ACAP2: variants seen among roughly 807,000 people sequenced by gnomAD.
ACAP2 encodes ArfGAP with coiled-coil, ankyrin repeat and PH domains 2.
Under a neutral mutation model 115.8 loss-of-function variants are expected in ACAP2, and 39 were observed. The observed-to-expected ratio is 0.34, with a 90% confidence interval of 0.26 to 0.44. ACAP2 has a LOEUF of 0.44. Ranked by LOEUF, ACAP2 falls within the 20% of genes least tolerant of loss-of-function variation. ACAP2 has a pLI of 1.00. For missense variants in ACAP2, 662 were observed against 927.6 expected (o/e 0.71, Z 3.72); for synonymous variants, 289 against 315.8 (o/e 0.92, Z 0.90).
chr3:195,374,962 C>T (rs199634159), intron 4 of ACAP2, among the ~76,000 whole-genome samples: 35 of 152,076 alleles, frequency 2.3e-4, no homozygotes, highest in African/African-American at 8.0e-4. Flanking sequence ...GAGGCCAAGG[C>T]GGGCAGATCA....
At chr3:195,295,538 TTTAAAG>T (rs1727586031) in intron 17 of ACAP2, 164 bp downstream of exon 17, 6 of 746,220 alleles carry the variant, frequency 8.0e-6, no homozygotes, top group Non-Finnish European at 1.3e-5. Flanking sequence ...TATGGCATTG[TTTAAAG>T]TTAACTATTT....
chr3:195,434,503 T>C (rs1044243104), intron 1 of ACAP2, among the ~76,000 whole-genome samples: 1 of 152,208 alleles, frequency 6.6e-6, no homozygotes. Flanking sequence ...CCCAAAGTGC[T>C]GGGAATATAG....
intron 20 of ACAP2, among the ~76,000 whole-genome samples, chr3:195,291,377 G>GTACA (rs1355760047): frequency 4.6e-5 from 7 of 152,132 alleles, no homozygotes; most frequent in Non-Finnish European, 1.0e-4. Flanking sequence ...TAATGTATAT[G>GTACA]TACATACATA....
At chr3:195,319,052 G>A (rs1333321304) in intron 10 of ACAP2, among the ~76,000 whole-genome samples, 2 of 152,226 alleles carry the variant, frequency 1.3e-5, no homozygotes, top group African/African-American at 4.8e-5. Flanking sequence ...TTCCAGCCAT[G>A]GCTAAAAGAG....
Position 195,342,477 on chromosome 3 carries a change from C to T in ACAP2, c.522G>A (p.Val174=). Residue 174 remains valine (V), a synonymous_variant, in exon 6 of 23, where the codon GTG becomes GTA. Coordinates refer to ENST00000326793, the MANE Select transcript of ACAP2 (RefSeq NM_012287.6). The stretch of plus-strand genomic sequence containing the variant: ...ACAGTAAGAAACTATATACCTGAAG[C>T]ACATAATCGAGGGCTATGTGTCGGA... ...KCFRHIALDY[V]LQINVLQSKR... 6.3e-7 allele frequency: 1 copy of T among 1,599,818 alleles called. No individual in the cohort carries two copies. Among genetic ancestry groups the T allele is most frequent in the Non-Finnish European group, 8.5e-7 (1 of 1,176,352 alleles).
intron 1 of ACAP2, among the ~76,000 whole-genome samples, chr3:195,430,278 G>A (rs1715016377): frequency 6.6e-6 from 1 of 152,176 alleles, no homozygotes; most frequent in African/African-American, 2.4e-5. Flanking sequence ...TTTGATGGAT[G>A]TTTGATGCTA....
At chr3:195,377,136 A>ATTTTTTTT (rs1478091442) in intron 4 of ACAP2, among the ~76,000 whole-genome samples, 6 of 89,700 alleles carry the variant, frequency 6.7e-5, no homozygotes, top group East Asian at 2.5e-3. Context: ...AGGAATGTAA[A>ATTTTTTTT]TCTTTTTTTT....
chr3:195,344,584 G>A (rs969562068), intron 5 of ACAP2, among the ~76,000 whole-genome samples: 7 of 151,436 alleles, frequency 4.6e-5, no homozygotes, highest in Non-Finnish European at 7.4e-5. Context: ...GCGATGGCGC[G>A]ATCTCAGCTC....
chr3:195,354,822 G>A (rs1341579957), intron 4 of ACAP2, among the ~76,000 whole-genome samples: 2 of 152,184 alleles, frequency 1.3e-5, no homozygotes, highest in African/African-American at 4.8e-5. Flanking sequence ...TGAATAGAAT[G>A]TCAAGTATTT....
At chr3:195,368,622 G>A (rs1380151015) in intron 4 of ACAP2, among the ~76,000 whole-genome samples, 1 of 151,938 alleles carries the variant, frequency 6.6e-6, no homozygotes, top group Non-Finnish European at 1.5e-5. Flanking sequence ...TGTTTCCATA[G>A]CATCATCATT....
At chr3:195,441,726 G>A (rs911278877) in intron 1 of ACAP2, 2 of 152,152 alleles carry the variant, frequency 1.3e-5, no homozygotes, top group Non-Finnish European at 2.9e-5. Context: ...AAGTGTTAAG[G>A]CCTTATATTT....
At chr3:195,311,095 T>TG (rs1285343596) in intron 10 of ACAP2, among the ~76,000 whole-genome samples, 8 of 51,090 alleles carry the variant, frequency 1.6e-4, no homozygotes, top group African/African-American at 8.6e-4. Flanking sequence ...TTTTTTTGTT[T>TG]TTTTTTTGTT....
Position 195,295,731 on chromosome 3 carries a change from A to T in ACAP2, c.1649T>A (p.Val550Asp). The T allele has an allele frequency of 1.2e-6, 2 of 1,614,140 alleles. No individual in the cohort carries two copies. The highest frequency in any genetic ancestry group is 1.7e-6 in the Non-Finnish European group (2 of 1,180,008). Residue 550 changes from valine to aspartate, a missense_variant, in exon 17 of 23, where the codon GTC becomes GAC. Coordinates refer to ENST00000326793, the MANE Select transcript of ACAP2 (RefSeq NM_012287.6). ...ACCTGAACTTTGGGCAGATGCTCTG[A>T]CTTGGTCCCCTGGCCCAAATTTAGA... is the stretch of plus-strand genomic sequence containing the variant. ...SISKFGPGDQ[V>D]RASAQSSVRS...
Position 195,358,462 on chromosome 3 carries a change from G to T in ACAP2, c.286-13145C>A, listed in dbSNP as rs570428115. 3.8e-4 allele frequency among the ~76,000 whole-genome samples: 58 copies of T among 152,204 alleles called. No individual in the cohort carries two copies. In the Middle Eastern group the frequency reaches 0.017, roughly 45 times the overall value. On this transcript the variant is annotated intron_variant, in intron 4 of 22. Coordinates refer to ENST00000326793, the MANE Select transcript of ACAP2 (RefSeq NM_012287.6). ...ACACAGAATTCAAAATAGCTGCTCT[G>T]AGGAAACTCAAAGAAATACAAGATA...
At chr3:195,418,945 TATA>T (rs1250937039) in intron 1 of ACAP2, among the ~76,000 whole-genome samples, 2 of 152,196 alleles carry the variant, frequency 1.3e-5, no homozygotes, top group African/African-American at 4.8e-5. Context: ...TGAGACACTA[TATA>T]ATAACATGGA....
chr3:195,340,364 G>C (rs1730787258), intron 6 of ACAP2, among the ~76,000 whole-genome samples: 1 of 151,910 alleles, frequency 6.6e-6, no homozygotes, highest in African/African-American at 2.4e-5. Context: ...TGGAAGATAA[G>C]AGATTTCAGT....
At chr3:195,286,110 C>T (rs1332645008) in intron 21 of ACAP2, among the ~76,000 whole-genome samples, 1 of 152,200 alleles carries the variant, frequency 6.6e-6, no homozygotes, top group East Asian at 1.9e-4. Flanking sequence ...GCAGCATCCC[C>T]GCAATACCTC....
At chr3:195,380,874 A>G (rs995307738) in intron 4 of ACAP2, 135 bp downstream of exon 4, 32 of 729,764 alleles carry the variant, frequency 4.4e-5, no homozygotes, top group Non-Finnish European at 5.8e-5. Context: ...TACATTTTAG[A>G]TTCACCCAGC....
Position 195,302,067 on chromosome 3 carries a change from G to T in ACAP2, c.1224C>A (p.Ile408=). 6.2e-7 allele frequency: 1 copy of T among 1,614,158 alleles called. No homozygotes were observed. The highest frequency in any genetic ancestry group is 8.5e-7 in the Non-Finnish European group (1 of 1,180,036). Residue 408 remains isoleucine (I), a synonymous_variant, in exon 14 of 23, where the codon ATC becomes ATA. Coordinates refer to ENST00000326793, the MANE Select transcript of ACAP2 (RefSeq NM_012287.6). ...AGTCACAACAGCTGGCATTGCCAGGGATACACTGGACCCGCTGAAGCGCAC... is the reference window on the plus strand; with the variant it reads ...AGTCACAACAGCTGGCATTGCCAGGTATACACTGGACCCGCTGAAGCGCAC... The part of the protein sequence containing the change: ...GESALQRVQC[I]PGNASCCDCG...
Sources: gnomAD v4.1 joint callset for allele counts (sites outside exome capture counted in the v4.1 genomes callset) on GRCh38, gnomAD v4.1.1 for gene constraint, MANE v1.5 for transcripts, NCBI Gene and HGNC (gene_info 2026-07-23, HGNC 2026-07-21) for gene names.